The following MYBPC1 variants were observed in gnomAD, a reference collection of about 807,000 sequenced individuals.
MYBPC1 encodes myosin binding protein C1, also known as myosin-binding protein C, slow-type.
In MYBPC1, 52 loss-of-function variants were observed where a neutral mutation model predicts 147.1. That is an observed-to-expected ratio of 0.35 (90% CI 0.28 to 0.45). MYBPC1 has a LOEUF of 0.45. MYBPC1 is among the 20% of genes least tolerant of loss of function. MYBPC1 has a pLI of 1.00. For missense variants in MYBPC1, 1,228 were observed against 1,440.3 expected (o/e 0.85, Z 2.39); for synonymous variants, 477 against 475.9 (o/e 1.00, Z -0.03).
At chr12:101,644,612 A>G (rs1026845241) in intron 11 of MYBPC1, 52 bp from the exon 12 acceptor site, 4 of 1,508,840 alleles carry the variant, frequency 2.7e-6, no homozygotes, top group Non-Finnish European at 3.7e-6. Flanking sequence ...ATTTAAATTC[A>G]TAGCATATGT....
At chr12:101,614,464 C>G in intron 1 of MYBPC1, 32 bp from the exon 2 acceptor site, 1 of 1,613,308 alleles carries the variant, frequency 6.2e-7, no homozygotes, top group Non-Finnish European at 8.5e-7. Context: ...GATAAATGAG[C>G]CTGACATTTC....
chr12:101,692,999 T>C, the MYBPC1 span, among the ~76,000 whole-genome samples: 30 of 145,876 alleles, frequency 2.1e-4, no homozygotes, highest in African/African-American at 6.8e-4. Flanking sequence ...CAGGCTAGAG[T>C]GCAGTGGCGC....
intron 2 of MYBPC1, 113 bp from the exon 3 acceptor site, chr12:101,617,089 A>G (rs550671201): frequency 1.1e-6 from 1 of 900,418 alleles, no homozygotes; most frequent in African/African-American, 1.6e-5. Flanking sequence ...AGTATCATTT[A>G]TGACCTGTTC....
chr12:101,638,704 T>C (rs2136140222), intron 10 of MYBPC1, among the ~76,000 whole-genome samples: 1 of 152,268 alleles, frequency 6.6e-6, no homozygotes, highest in South Asian at 2.1e-4. Context: ...AAGAACAGAC[T>C]TTTTCAACCA....
At position 101,674,422 on chromosome 12, in the gene MYBPC1, C is replaced by A. The variant is rs1022963346; in HGVS notation, c.2809+800C>A. Among the ~76,000 whole-genome samples the A allele has an allele frequency of 1.1e-4, 16 of 152,000 alleles. 1 individual carries two copies. The highest frequency in any genetic ancestry group is 9.2e-4 in the Admixed American group (14 of 15,252). On this transcript the variant is annotated intron_variant, in intron 25 of 31. Coordinates refer to ENST00000361466, the MANE Select transcript of MYBPC1 (RefSeq NM_002465.4). ...AAATTGAACAGTTAAATACTGAATT[C>A]TTTGATCCTGCCAGAGTAGTTAGAT...
chr12:101,633,869 C>T (rs2136084238), intron 8 of MYBPC1, among the ~76,000 whole-genome samples: 1 of 150,186 alleles, frequency 6.7e-6, no homozygotes, highest in Admixed American at 6.6e-5. Flanking sequence ...CCTGGCTGGG[C>T]ATCTCTGAGA....
chr12:101,677,483 C>G (rs930248267), intron 27 of MYBPC1, 89 bp downstream of exon 27: 2 of 1,455,802 alleles, frequency 1.4e-6, no homozygotes, highest in Non-Finnish European at 1.9e-6. Context: ...TGAAAGGGAA[C>G]AAAAAAATGG....
chr12:101,670,526 G>A, intron 24 of MYBPC1, 117 bp downstream of exon 24: 2 of 887,568 alleles, frequency 2.3e-6, no homozygotes, highest in Non-Finnish European at 3.8e-6. Context: ...AGAGGGAGAG[G>A]AGGTAAATAA....
intron 25 of MYBPC1, among the ~76,000 whole-genome samples, 168 bp from the exon 26 acceptor site, chr12:101,675,124 G>C (rs1044639635): frequency 3.9e-5 from 6 of 152,078 alleles, no homozygotes; most frequent in African/African-American, 1.4e-4. Context: ...ATCTGGCCTG[G>C]CTCCATACTA....
intron 10 of MYBPC1, 62 bp downstream of exon 10, chr12:101,636,790 A>T: frequency 2.2e-6 from 3 of 1,386,632 alleles, no homozygotes; most frequent in Non-Finnish European, 3.1e-6. Flanking sequence ...ACCCACTCAG[A>T]GAAGTCAAGT....
At chr12:101,674,156 T>C (rs1307225182) in intron 25 of MYBPC1, among the ~76,000 whole-genome samples, 1 of 152,230 alleles carries the variant, frequency 6.6e-6, no homozygotes, top group Non-Finnish European at 1.5e-5. Flanking sequence ...AGAAAATTAA[T>C]GGATGTGCTT....
intron 22 of MYBPC1, among the ~76,000 whole-genome samples, chr12:101,665,189 G>A (rs561368661): frequency 2.6e-5 from 4 of 151,968 alleles, no homozygotes; most frequent in Non-Finnish European, 4.4e-5. Context: ...ATGTATATCC[G>A]TATATACATA....
At position 101,644,671 on chromosome 12, in the gene MYBPC1, A is replaced by G. The variant is rs748717427; in HGVS notation, c.840A>G (p.Ala280=). ...CTTCTTCTATTCTATCAGCTTTTGC[A>G]AAAATTCTTGATCCTGCATATCAGG... ...RREEKKSAAF[A]KILDPAYQVD... The change falls in exon 12 of 32, where the codon GCA becomes GCG. Residue 280 remains alanine, a synonymous_variant. Transcript: ENST00000361466. 1 of 1,613,596 alleles carries G rather than the reference A, an allele frequency of 6.2e-7. No homozygotes were observed. Among genetic ancestry groups the G allele is most frequent in the African/African-American group, 1.3e-5 (1 of 74,902 alleles).
intron 20 of MYBPC1, 35 bp from the exon 21 acceptor site, chr12:101,662,323 G>T (rs1896712490): frequency 6.2e-7 from 1 of 1,608,970 alleles, no homozygotes; most frequent in Non-Finnish European, 8.5e-7. Flanking sequence ...CAGAGACCAA[G>T]GAAAAACCTT....
chr12:101,653,396 G>C, intron 18 of MYBPC1, 148 bp downstream of exon 18: 1 of 1,151,374 alleles, frequency 8.7e-7, no homozygotes, highest in South Asian at 1.4e-5. Context: ...CTTTGAAAAA[G>C]AAAGATGACT....
intron 21 of MYBPC1, 151 bp from the exon 22 acceptor site, chr12:101,663,275 C>T (rs1896885943): frequency 1.3e-6 from 1 of 742,358 alleles, no homozygotes; most frequent in Non-Finnish European, 2.4e-6. Flanking sequence ...GCCTTACACA[C>T]ATCCATGCTC....
rs536042318 is a variant in MYBPC1 at position 101,605,360 on chromosome 12, T to C, written c.26-9136T>C. The stretch of plus-strand genomic sequence containing the variant: ...ACCTGAGTTTGTTTTAAAAATAACA[T>C]GCACAAAATCTTTTTCCAAAGAGAT... On this transcript the variant is annotated intron_variant, in intron 1 of 31. Coordinates refer to ENST00000361466, the MANE Select transcript of MYBPC1 (RefSeq NM_002465.4). Among the ~76,000 whole-genome samples the C allele has an allele frequency of 2.0e-5, 3 of 152,340 alleles. No homozygotes were observed. In the East Asian group the frequency reaches 5.8e-4, roughly 29 times the overall value.
At chr12:101,684,511 C>A in intron 31 of MYBPC1, 87 bp downstream of exon 31, 2 of 1,001,198 alleles carry the variant, frequency 2.0e-6, no homozygotes, top group Non-Finnish European at 3.1e-6. Flanking sequence ...ATTTTCATTA[C>A]ATAATCCAAT....
At chr12:101,650,219 A>G (rs1285820986) in intron 15 of MYBPC1, among the ~76,000 whole-genome samples, 1 of 152,228 alleles carries the variant, frequency 6.6e-6, no homozygotes, top group Non-Finnish European at 1.5e-5. Context: ...ATTTCTAAAA[A>G]TAATTATGCT....
Sources: allele counts gnomAD v4.1 joint callset (sites outside exome capture counted in the v4.1 genomes callset), GRCh38; gene constraint gnomAD v4.1.1; transcripts MANE v1.5; gene names NCBI Gene and HGNC (gene_info 2026-07-23, HGNC 2026-07-21).